The following TEKT3 variants were observed in gnomAD, a reference collection of about 807,000 sequenced individuals.
The protein encoded by TEKT3 is tektin 3.
A neutral mutation model predicts 49.8 loss-of-function variants in TEKT3; 49 were observed. The observed-to-expected ratio is 0.98, with a 90% CI of 0.78 to 1.25. TEKT3 has a LOEUF of 1.25. Ranked by LOEUF, TEKT3 falls within the 50% of genes most tolerant of loss-of-function variation. The pLI is 0.00. For missense variants in TEKT3, 595 were observed against 629.5 expected, an observed-to-expected ratio of 0.95 and a Z score of 0.59; for synonymous variants, 225 against 237.2, an observed-to-expected ratio of 0.95 and a Z score of 0.47.
chr17:15,326,758 A>C (rs1301411393), intron 4 of TEKT3, among the ~76,000 whole-genome samples: 4 of 152,190 alleles, frequency 2.6e-5, no homozygotes, highest in Non-Finnish European at 5.9e-5. Context: ...GCCTGGGCTG[A>C]AAAAAGAGAT....
chr17:15,313,503 GTTTTTCTTTTT>G (rs895934351), intron 6 of TEKT3, among the ~76,000 whole-genome samples: 1 of 151,764 alleles, frequency 6.6e-6, no homozygotes, highest in African/African-American at 2.4e-5. Flanking sequence ...GCTTGTCTGT[GTTTTTCTTTTT>G]TTTTTCTTTT....
intron 2 of TEKT3, chr17:15,338,337 G>A (rs1567586298): frequency 6.6e-6 from 1 of 152,082 alleles, no homozygotes; most frequent in Non-Finnish European, 1.5e-5. Flanking sequence ...TGAATCTACA[G>A]TTTAAAAACT....
intron 7 of TEKT3, among the ~76,000 whole-genome samples, chr17:15,310,003 C>T (rs1342299202): frequency 2.6e-5 from 4 of 152,186 alleles, no homozygotes; most frequent in African/African-American, 9.7e-5. Flanking sequence ...ACAGATTTAG[C>T]ATTTGTGTCA....
intron 8 of TEKT3, among the ~76,000 whole-genome samples, chr17:15,307,749 G>C (rs759462695): frequency 6.6e-6 from 1 of 152,102 alleles, no homozygotes; most frequent in Non-Finnish European, 1.5e-5. Context: ...TGGAGTTCAC[G>C]CACTGCCCTT....
At chr17:15,314,305 C>T (rs779470903) in intron 5 of TEKT3, 75 bp from the exon 6 acceptor site, 1 of 1,574,206 alleles carries the variant, frequency 6.4e-7, no homozygotes, top group South Asian at 1.1e-5. Flanking sequence ...AGTGCCCTTC[C>T]ATATTGGGAC....
At position 15,321,740 on chromosome 17, in the gene TEKT3, GCTT is replaced by G. The variant is rs373330219; in HGVS notation, c.664-2596_664-2594del. 6.5e-3 allele frequency among the ~76,000 whole-genome samples: 988 copies of G among 152,318 alleles called. 10 individuals carry two copies. Among genetic ancestry groups the G allele is most frequent in the African/African-American group, 0.022 (913 of 41,576 alleles). ...TACAGGGTCACACTGACTTCATTGAGCTTCTCAGATTGCAGTGACTAAAGTGAT... is the reference window on the plus strand; with the variant it reads ...TACAGGGTCACACTGACTTCATTGAGCTCAGATTGCAGTGACTAAAGTGAT... On this transcript the variant is annotated intron_variant, in intron 4 of 8. Coordinates refer to ENST00000395930, the MANE Select transcript of TEKT3 (RefSeq NM_031898.3).
At chr17:15,307,647 T>C (rs937120907) in intron 8 of TEKT3, among the ~76,000 whole-genome samples, 7 of 152,226 alleles carry the variant, frequency 4.6e-5, no homozygotes, top group African/African-American at 1.4e-4. Flanking sequence ...CTTATTTCTT[T>C]ATTTTATCCT....
chr17:15,308,883 C>A, intron 7 of TEKT3, 65 bp from the exon 8 acceptor site: 1 of 1,577,014 alleles, frequency 6.3e-7, no homozygotes, highest in Non-Finnish European at 8.7e-7. Flanking sequence ...CGCCTCCCAC[C>A]TCTTGCCTGT....
Position 15,314,185 on chromosome 17 carries a change from G to A in TEKT3, c.780C>T (p.Asp260=). 1 of 1,614,216 alleles carries A rather than the reference G, an allele frequency of 6.2e-7. No homozygotes were observed. Among genetic ancestry groups the A allele is most frequent in the African/African-American group, 1.3e-5 (1 of 75,058 alleles). Reference sequence around the variant, plus strand: ...CGTCGATCCGGTAAGCCGTCTGTTTGTCACTCAGGTCCTTTTCCAGCTCAT... The same window carrying A: ...CGTCGATCCGGTAAGCCGTCTGTTTATCACTCAGGTCCTTTTCCAGCTCAT... ...SQHELEKDLS[D]KQTAYRIDDK... is the part of the protein sequence containing the mutation. The change falls in exon 6 of 9, where the codon GAC becomes GAT. Residue 260 remains aspartate (D), a synonymous_variant. Coordinates refer to ENST00000395930, the MANE Select transcript of TEKT3 (RefSeq NM_031898.3).
At chr17:15,327,479 G>A (rs1911540338) in intron 4 of TEKT3, among the ~76,000 whole-genome samples, 1 of 151,464 alleles carries the variant, frequency 6.6e-6, no homozygotes, top group Non-Finnish European at 1.5e-5. Context: ...TTGTGCCATT[G>A]CACTCCAGCC....
At chr17:15,343,271 C>A (rs1016238153), upstream of TEKT3, among the ~76,000 whole-genome samples, 1 of 152,172 alleles carries the variant, frequency 6.6e-6, no homozygotes, top group Non-Finnish European at 1.5e-5. Flanking sequence ...CAGTGAATTT[C>A]AAAAACCTCC....
intron 5 of TEKT3, among the ~76,000 whole-genome samples, chr17:15,318,324 A>T (rs1051486492): frequency 3.9e-5 from 6 of 152,106 alleles, no homozygotes; most frequent in African/African-American, 1.4e-4. Context: ...GGTATGGAAG[A>T]TAAACATTCA....
chr17:15,331,799 T>G (rs892485903), intron 2 of TEKT3, among the ~76,000 whole-genome samples, 185 bp from the exon 3 acceptor site: 1 of 152,178 alleles, frequency 6.6e-6, no homozygotes, highest in Admixed American at 6.5e-5. Flanking sequence ...TTTTTTAATC[T>G]CTATGTCTCT....
rs2150747973 is a variant in TEKT3 at position 15,327,985 on chromosome 17, C to T, written c.663+7G>A. The stretch of plus-strand genomic sequence containing the variant: ...GCCTGTGACTGATGCATTTCCCCCA[C>T]ATTTACCGTCAGCAGTTGTGCTTCA... On this transcript the variant is annotated splice_region_variant and intron_variant, in intron 4 of 8. Coordinates refer to ENST00000395930, the MANE Select transcript of TEKT3 (RefSeq NM_031898.3). The T allele has an allele frequency of 6.2e-7, 1 of 1,613,450 alleles. No homozygotes were observed. Among genetic ancestry groups the T allele is most frequent in the South Asian group, 1.1e-5 (1 of 91,036 alleles).
chr17:15,327,467 G>A (rs1911539604), intron 4 of TEKT3, among the ~76,000 whole-genome samples: 1 of 151,544 alleles, frequency 6.6e-6, no homozygotes, highest in Non-Finnish European at 1.5e-5. Flanking sequence ...AGTGAGCCGA[G>A]ATTGTGCCAT....
intron 8 of TEKT3, among the ~76,000 whole-genome samples, chr17:15,305,403 G>GT (rs1361482633): frequency 6.6e-6 from 1 of 152,168 alleles, no homozygotes; most frequent in Non-Finnish European, 1.5e-5. Flanking sequence ...CCAAAGTTTG[G>GT]TTTTGTCTGG....
chr17:15,341,830 A>C (rs943399563), upstream of TEKT3, among the ~76,000 whole-genome samples: 2 of 152,096 alleles, frequency 1.3e-5, no homozygotes, highest in Admixed American at 1.3e-4. Flanking sequence ...TTGGTTTGGG[A>C]GGTGAAAGGG....
upstream of TEKT3, among the ~76,000 whole-genome samples, chr17:15,342,287 A>G (rs772293834): frequency 1.3e-5 from 2 of 152,200 alleles, no homozygotes; most frequent in African/African-American, 2.4e-5. Context: ...GACTTAGACA[A>G]TGTGACTCAG....
chr17:15,335,357 G>A (rs1597421226), intron 2 of TEKT3, among the ~76,000 whole-genome samples: 1 of 152,202 alleles, frequency 6.6e-6, no homozygotes, highest in African/African-American at 2.4e-5. Context: ...TGATGGCAGA[G>A]CTGTTAGCTG....
Sources: allele counts gnomAD v4.1 joint callset (sites outside exome capture counted in the v4.1 genomes callset), GRCh38; gene constraint gnomAD v4.1.1; transcripts MANE v1.5; gene names NCBI Gene and HGNC (gene_info 2026-07-23, HGNC 2026-07-21).